The following CTNNA2 variants were observed in gnomAD, a reference collection of about 807,000 sequenced individuals.
CTNNA2 encodes catenin alpha 2.
A neutral mutation model predicts 101.0 loss-of-function variants in CTNNA2; 42 were observed. The observed-to-expected ratio is 0.42, with a 90% CI of 0.32 to 0.54. CTNNA2 has a LOEUF of 0.54. Among genes scored for constraint, CTNNA2 ranks in the 20% least tolerant of loss-of-function variants. The probability of loss-of-function intolerance (pLI) is 0.14; values close to 1 mark genes in which losing one functional copy is unlikely to be tolerated. For synonymous variants in CTNNA2, 450 were observed against 456.4 expected (o/e 0.99, Z 0.18); for missense variants, 871 against 1,223.1 (o/e 0.71, Z 4.29).
chr2:79,726,165 G>C (rs2104892067), intron 2 of CTNNA2, among the ~76,000 whole-genome samples: 1 of 151,092 alleles, frequency 6.6e-6, no homozygotes, highest in South Asian at 2.1e-4. Context: ...CACTGAAATG[G>C]ACTTCTGTTG....
chr2:79,763,175 CT>C (rs145865161), intron 3 of CTNNA2, among the ~76,000 whole-genome samples: 2 of 152,038 alleles, frequency 1.3e-5, no homozygotes, highest in Admixed American at 1.3e-4. Context: ...ATATTTTTAT[CT>C]TTTTTAAATC....
At chr2:79,416,515 T>C (rs1678484503) in intron 4 of CTNNA2, among the ~76,000 whole-genome samples, 2 of 152,048 alleles carry the variant, frequency 1.3e-5, no homozygotes, top group South Asian at 2.1e-4. Context: ...TTTAATTTAA[T>C]AAAGCATTGG....
intron 3 of CTNNA2, among the ~76,000 whole-genome samples, chr2:79,776,336 A>G (rs879501630): frequency 5.3e-5 from 8 of 152,168 alleles, no homozygotes; most frequent in Non-Finnish European, 7.3e-5. Flanking sequence ...TCTTGGCATG[A>G]TAGTGTCTGG....
intron 7 of CTNNA2, among the ~76,000 whole-genome samples, chr2:80,176,153 T>A (rs546473580): frequency 8.5e-5 from 13 of 152,324 alleles, no homozygotes; most frequent in Middle Eastern, 6.8e-3. Context: ...CTTGTCACCT[T>A]AAACCCATAC....
intron 16 of CTNNA2, 77 bp downstream of exon 16, chr2:80,604,256 G>A: frequency 9.1e-7 from 1 of 1,094,394 alleles, no homozygotes; most frequent in East Asian, 2.4e-5. Context: ...CTAGTTTTAT[G>A]CACCCTATAA....
chr2:80,572,821 TC>T (rs1694713653), intron 12 of CTNNA2: 1 of 148,664 alleles, frequency 6.7e-6, no homozygotes, highest in South Asian at 2.1e-4. Flanking sequence ...TTATAGTAAT[TC>T]ATCCATAGAA....
intron 7 of CTNNA2, among the ~76,000 whole-genome samples, chr2:80,319,542 C>T (rs890459050): frequency 1.3e-5 from 2 of 152,172 alleles, no homozygotes; most frequent in East Asian, 3.8e-4. Context: ...ACATGGAGAA[C>T]AAAGTACTGT....
At chr2:79,226,143 T>C (rs548862519) in intron 2 of CTNNA2, among the ~76,000 whole-genome samples, 1 of 152,326 alleles carries the variant, frequency 6.6e-6, no homozygotes, top group East Asian at 1.9e-4. Context: ...ATTTCATCTT[T>C]ATTCTTTCAA....
chr2:79,315,340 T>C (rs1027438182), intron 3 of CTNNA2, among the ~76,000 whole-genome samples: 3 of 152,148 alleles, frequency 2.0e-5, no homozygotes, highest in Non-Finnish European at 2.9e-5. Context: ...ATTACCACTA[T>C]CAATATTAGA....
chr2:79,515,025 C>G (rs911554336), intron 1 of CTNNA2, among the ~76,000 whole-genome samples: 6 of 152,120 alleles, frequency 3.9e-5, no homozygotes, highest in Non-Finnish European at 8.8e-5. Flanking sequence ...TGATGAAGAG[C>G]TGATAGTTAA....
At chr2:79,662,057 C>T (rs989051374) in intron 2 of CTNNA2, among the ~76,000 whole-genome samples, 1 of 150,960 alleles carries the variant, frequency 6.6e-6, no homozygotes, top group South Asian at 2.1e-4. Context: ...ATTAAACAGA[C>T]AAAGGAAAGG....
At chr2:79,291,142 C>T (rs1675797725) in intron 2 of CTNNA2, among the ~76,000 whole-genome samples, 1 of 152,184 alleles carries the variant, frequency 6.6e-6, no homozygotes, top group Admixed American at 6.5e-5. Flanking sequence ...AACTTTTCTC[C>T]TTTCACTATG....
chr2:80,602,518 G>C lies in CTNNA2; in HGVS notation c.2190-1556G>C, dbSNP rs1174418912. Reference sequence around the variant, plus strand: ...AAGTTACAACAAATATTGTGTCAGAGTAAACATCAGAAAATAGATTTTCTA... The same window carrying C: ...AAGTTACAACAAATATTGTGTCAGACTAAACATCAGAAAATAGATTTTCTA... On this transcript the variant is annotated intron_variant, in intron 15 of 18. Coordinates refer to ENST00000402739, the MANE Select transcript of CTNNA2 (RefSeq NM_001282597.3). 2.6e-5 allele frequency among the ~76,000 whole-genome samples: 4 copies of C among 152,092 alleles called. No homozygotes were observed. In the East Asian group the frequency reaches 7.7e-4, roughly 29 times the overall value.
At chr2:79,320,253 C>T (rs1020169002) in intron 3 of CTNNA2, among the ~76,000 whole-genome samples, 2 of 145,434 alleles carry the variant, frequency 1.4e-5, no homozygotes, top group Non-Finnish European at 3.0e-5. Context: ...CCTACCTTTA[C>T]GTTTCAATTT....
At chr2:80,532,243 C>T (rs1690606806) in intron 9 of CTNNA2, among the ~76,000 whole-genome samples, 1 of 152,064 alleles carries the variant, frequency 6.6e-6, no homozygotes. Context: ...TTTCAGTTAC[C>T]AGTGGTCTGA....
intron 2 of CTNNA2, among the ~76,000 whole-genome samples, chr2:79,310,618 C>T (rs944365618): frequency 6.6e-6 from 1 of 152,156 alleles, no homozygotes; most frequent in African/African-American, 2.4e-5. Context: ...AACTTGGGTG[C>T]TGCAACCAAT....
At chr2:79,988,834 ATC>A (rs1691958965) in intron 7 of CTNNA2, among the ~76,000 whole-genome samples, 1 of 152,242 alleles carries the variant, frequency 6.6e-6, no homozygotes, top group Non-Finnish European at 1.5e-5. Flanking sequence ...AATGTTGCAT[ATC>A]TGAGGCTCAT....
At chr2:79,659,375 T>C (rs1202855700) in intron 2 of CTNNA2, among the ~76,000 whole-genome samples, 3 of 152,182 alleles carry the variant, frequency 2.0e-5, no homozygotes, top group African/African-American at 4.8e-5. Flanking sequence ...AGAGTCACCT[T>C]AATTCATGGT....
chr2:79,270,415 C>T (rs80049422), intron 2 of CTNNA2, among the ~76,000 whole-genome samples: 223 of 152,224 alleles, frequency 1.5e-3, no homozygotes, highest in Non-Finnish European at 2.4e-3. Flanking sequence ...AGAGTGACGC[C>T]AGTCCCAAGG....
Sources: allele counts gnomAD v4.1 joint callset (sites outside exome capture counted in the v4.1 genomes callset), GRCh38; gene constraint gnomAD v4.1.1; transcripts MANE v1.5; gene names NCBI Gene and HGNC (gene_info 2026-07-23, HGNC 2026-07-21).